The following USO1 variants were observed in gnomAD, a reference collection of about 807,000 sequenced individuals.
USO1 encodes general vesicular transport factor p115.
In USO1, 57 loss-of-function variants were observed where a neutral mutation model predicts 124.5. The observed-to-expected ratio is 0.46, with a 90% CI of 0.37 to 0.57. The LOEUF is 0.57. USO1 is among the 20% of genes least tolerant of loss of function. USO1 has a pLI of 0.00. For synonymous variants in USO1, 369 were observed against 362.8 expected (o/e 1.02, Z -0.19); for missense variants, 900 against 1,040.6 (o/e 0.86, Z 1.86).
rs899076007 is a variant in USO1, at chr4:75,729,352, G to T, written c.66+4467G>T. 6.6e-5 allele frequency among the ~76,000 whole-genome samples: 10 copies of T among 150,870 alleles called. No homozygotes were observed. The East Asian group carries it at 1.8e-3, about 27-fold the overall frequency. On this transcript the variant is annotated intron_variant, in intron 1 of 23. Coordinates refer to ENST00000514213, the MANE Select transcript of USO1 (RefSeq NM_003715.4). Reference sequence around the variant, plus strand: ...TCTAGCACCTTTTTTTTGGGTAGGGGGGTGGGGTACGAAGTCTCGCTCTGT... The same window carrying T: ...TCTAGCACCTTTTTTTTGGGTAGGGTGGTGGGGTACGAAGTCTCGCTCTGT...
At chr4:75,806,153 G>C (rs770381076) in intron 19 of USO1, among the ~76,000 whole-genome samples, 1 of 151,950 alleles carries the variant, frequency 6.6e-6, no homozygotes, top group Non-Finnish European at 1.5e-5. Flanking sequence ...TGCCACGTCC[G>C]GCTAATTTTT....
At chr4:75,796,136 T>C (rs1722670971) in intron 13 of USO1, among the ~76,000 whole-genome samples, 1 of 152,100 alleles carries the variant, frequency 6.6e-6, no homozygotes, top group Non-Finnish European at 1.5e-5. Context: ...GCCTGCAGAA[T>C]TTTATATTAG....
chr4:75,738,176 G>T (rs1384762722), intron 1 of USO1, among the ~76,000 whole-genome samples: 2 of 151,702 alleles, frequency 1.3e-5, no homozygotes, highest in Non-Finnish European at 2.9e-5. Flanking sequence ...TAAGTTGGGG[G>T]CCAGGCACAG....
intron 1 of USO1, among the ~76,000 whole-genome samples, chr4:75,744,023 G>T (rs545165825): frequency 6.6e-6 from 1 of 152,108 alleles, no homozygotes; most frequent in South Asian, 2.1e-4. Context: ...TGATCCGCCC[G>T]CCATGGCCTC....
chr4:75,808,992 G>T lies in USO1; in HGVS notation c.2416G>T (p.Val806Leu), dbSNP rs768546206. ...TLKSQLNSQS[V>L]EITKLQTEKQ... ...AAAGTCTCAGTTAAACTCACAATCTGTGGAGATCACCAAACTACAGACAGA... is the reference window on the plus strand; with the variant it reads ...AAAGTCTCAGTTAAACTCACAATCTTTGGAGATCACCAAACTACAGACAGA... The change falls in exon 21 of 24, where the codon GTG becomes TTG. Residue 806 changes from valine to leucine, a missense_variant. Coordinates refer to ENST00000514213, the MANE Select transcript of USO1 (RefSeq NM_003715.4). 2 of 1,605,406 alleles carry T rather than the reference G, an allele frequency of 1.2e-6. No homozygotes were observed. Among genetic ancestry groups the T allele is most frequent in the Admixed American group, 3.4e-5 (2 of 58,804 alleles).
At chr4:75,798,424 G>C (rs908550945) in intron 13 of USO1, among the ~76,000 whole-genome samples, 1 of 152,144 alleles carries the variant, frequency 6.6e-6, no homozygotes, top group Admixed American at 6.5e-5. Flanking sequence ...TAGTCAGTTG[G>C]CAGTGACTGG....
rs1300959507 is a variant in USO1 at position 75,813,723 on chromosome 4, T to C, written c.*428T>C. 1 of 152,876 alleles carries C rather than the reference T, an allele frequency of 6.5e-6. No homozygotes were observed. Among genetic ancestry groups the C allele is most frequent in the East Asian group, 1.9e-4 (1 of 5,216 alleles). The allele number at this position is 152,876 out of a possible 1,614,324, so 9.5% of individuals were successfully genotyped here. A position where few individuals can be genotyped will look rare whatever the true frequency, so the allele number is the denominator to read the frequency against. ...TGAGTCCTTAGTTGATGATTTTCTT[T>C]TAAAGAAATTAGTTTATTTAAAAGC... On this transcript the variant is annotated 3_prime_UTR_variant, in exon 24 of 24. Coordinates refer to ENST00000514213, the MANE Select transcript of USO1 (RefSeq NM_003715.4).
rs772263736 is a variant in USO1 at position 75,812,319 on chromosome 4, G to C, written c.2743G>C (p.Asp915His). ...EQDDLLVLLADQDQKILSLKN... is the reference protein window; with the variant it reads ...EQDDLLVLLAHQDQKILSLKN... ...AGATGATCTCTTGGTGCTCTTGGCC[G>C]ATCAAGATCAGAAAATACTGTCATT... The change falls in exon 23 of 24, where the codon GAT (aspartate) becomes CAT (histidine). Residue 915 changes from aspartate to histidine, a missense_variant. Physicochemically the swap from Asp to His is moderately conservative, Grantham distance 81 (BLOSUM62 -1). Around this residue, in one of 2 missense-constraint regions of USO1, gnomAD observed 362 missense variants for 359.0 expected, o/e 1.01. Coordinates refer to ENST00000514213, the MANE Select transcript of USO1 (RefSeq NM_003715.4). The C allele has an allele frequency of 5.0e-6, 8 of 1,604,380 alleles. No homozygotes were observed. The highest frequency in any genetic ancestry group is 4.5e-5 in the East Asian group (2 of 44,680).
At chr4:75,743,964 G>C (rs943374948) in intron 1 of USO1, among the ~76,000 whole-genome samples, 17 of 152,116 alleles carry the variant, frequency 1.1e-4, no homozygotes, top group Non-Finnish European at 1.8e-4. Context: ...TTTTAGTAGA[G>C]ATGGGGTTTC....
chr4:75,757,642 G>A, intron 4 of USO1, 69 bp downstream of exon 4: 2 of 1,300,472 alleles, frequency 1.5e-6, no homozygotes, highest in Middle Eastern at 4.1e-4. Context: ...AATTTTGCTG[G>A]TTTTAAAGTT....
intron 1 of USO1, among the ~76,000 whole-genome samples, chr4:75,726,708 C>G (rs1720473651): frequency 6.6e-6 from 1 of 152,252 alleles, no homozygotes; most frequent in Non-Finnish European, 1.5e-5. Context: ...CTTCACTCAT[C>G]CATTCCCACT....
intron 1 of USO1, among the ~76,000 whole-genome samples, chr4:75,725,731 G>A (rs1720413774): frequency 6.6e-6 from 1 of 152,168 alleles, no homozygotes; most frequent in South Asian, 2.1e-4. Context: ...AATCGAGGGT[G>A]TATGCCTTTT....
Position 75,782,797 on chromosome 4 carries a change from T to C in USO1, c.794T>C (p.Val265Ala), listed in dbSNP as rs758454956. 1.9e-6 allele frequency: 3 copies of C among 1,605,316 alleles called. No homozygotes were observed. The highest frequency in any genetic ancestry group is 2.5e-6 in the Non-Finnish European group (3 of 1,177,476). ...YIQRMKPWFEVGDENSGWSAQ... is the reference protein window; with the variant it reads ...YIQRMKPWFEAGDENSGWSAQ... Reference sequence around the variant, plus strand: ...CAACGTATGAAACCTTGGTTTGAAGTTGGAGATGAAAATTCTGGCTGGTCT... The same window carrying C: ...CAACGTATGAAACCTTGGTTTGAAGCTGGAGATGAAAATTCTGGCTGGTCT... Residue 265 changes from valine to alanine, a missense_variant, in exon 9 of 24, where the codon GTT becomes GCT. Val to Ala is a moderately conservative substitution (Grantham distance 64, BLOSUM62 0). Around this residue, in one of 2 missense-constraint regions of USO1, gnomAD observed 538 missense variants for 681.6 expected, o/e 0.79. Coordinates refer to ENST00000514213, the MANE Select transcript of USO1 (RefSeq NM_003715.4).
At chr4:75,758,969 T>G (rs1332466746) in intron 4 of USO1, among the ~76,000 whole-genome samples, 1 of 152,176 alleles carries the variant, frequency 6.6e-6, no homozygotes, top group African/African-American at 2.4e-5. Flanking sequence ...AATACATTTT[T>G]AAAAATGACA....
intron 17 of USO1, among the ~76,000 whole-genome samples, chr4:75,801,515 C>T (rs562748990): frequency 5.5e-4 from 83 of 152,162 alleles, no homozygotes; most frequent in African/African-American, 2.0e-3. Context: ...TCATTATATT[C>T]CTTCAAAATG....
chr4:75,748,186 G>T (rs1721186678), intron 1 of USO1, among the ~76,000 whole-genome samples: 4 of 150,410 alleles, frequency 2.7e-5, no homozygotes, highest in African/African-American at 9.8e-5. Flanking sequence ...TTACAGGCGT[G>T]AGCCATCGTG....
Position 75,790,710 on chromosome 4 carries a change from G to C in USO1, c.1153G>C (p.Val385Leu). The change falls in exon 12 of 24, where the codon GTT (valine) becomes CTT (leucine). Residue 385 changes from valine to leucine, a missense_variant. Around this residue, in one of 2 missense-constraint regions of USO1, gnomAD observed 538 missense variants for 681.6 expected, o/e 0.79. Coordinates refer to ENST00000514213, the MANE Select transcript of USO1 (RefSeq NM_003715.4). ...ERQPFVLRCA[V>L]LYCFQCFLYK... The stretch of plus-strand genomic sequence containing the variant: ...GCAGCCATTTGTTTTGCGCTGTGCT[G>C]TTCTCTATTGTTTCCAGTGTTTCTT... 4 of 1,613,730 alleles carry C rather than the reference G, an allele frequency of 2.5e-6. No individual in the cohort carries two copies. Among genetic ancestry groups the C allele is most frequent in the Non-Finnish European group, 3.4e-6 (4 of 1,179,764 alleles).
At chr4:75,790,105 G>A in intron 10 of USO1, 45 bp from the exon 11 acceptor site, 1 of 1,447,936 alleles carries the variant, frequency 6.9e-7, no homozygotes, top group Non-Finnish European at 9.1e-7. Flanking sequence ...TTTCCTTCTT[G>A]ACTTAATTTC....
chr4:75,756,424 TTAA>T (rs976130526), intron 3 of USO1, among the ~76,000 whole-genome samples: 7 of 151,376 alleles, frequency 4.6e-5, no homozygotes, highest in Admixed American at 6.6e-5. Flanking sequence ...TCTTATAAAG[TTAA>T]TGATGAAATG....
Sources: gnomAD v4.1 joint callset for allele counts (sites outside exome capture counted in the v4.1 genomes callset) on GRCh38, gnomAD v4.1.1 for gene constraint, gnomAD v4.1.1 regional missense constraint, MANE v1.5 for transcripts, NCBI Gene and HGNC (gene_info 2026-07-23, HGNC 2026-07-21) for gene names.